CDH12: variants seen among roughly 807,000 people sequenced by gnomAD.
CDH12 encodes the protein cadherin 12.
CDH12 carries 41 observed loss-of-function variants against 74.1 expected under a neutral mutation model. The observed-to-expected ratio is 0.55, with a 90% CI of 0.43 to 0.72. The LOEUF (loss-of-function observed/expected upper bound fraction) is 0.72. Ranked by LOEUF, CDH12 falls within the 30% of genes least tolerant of loss-of-function variation. The probability of loss-of-function intolerance (pLI) is 0.00; values close to 1 mark genes in which losing one functional copy is unlikely to be tolerated. For missense variants in CDH12, 945 were observed against 977.2 expected (o/e 0.97, Z 0.44); for synonymous variants, 399 against 355.0 (o/e 1.12, Z -1.39).
At chr5:22,359,044 ACAT>A (rs1446603276) in intron 3 of CDH12, among the ~76,000 whole-genome samples, 2 of 152,194 alleles carry the variant, frequency 1.3e-5, no homozygotes, top group Non-Finnish European at 2.9e-5. Flanking sequence ...TAACCAGCTA[ACAT>A]CATAATGACA....
At chr5:22,284,243 G>A (rs1454902633) in intron 3 of CDH12, among the ~76,000 whole-genome samples, 1 of 152,076 alleles carries the variant, frequency 6.6e-6, no homozygotes, top group Admixed American at 6.6e-5. Context: ...AAAACCTTAT[G>A]TATTTATTAA....
chr5:22,313,577 T>G (rs1738479206), intron 3 of CDH12, among the ~76,000 whole-genome samples: 1 of 152,190 alleles, frequency 6.6e-6, no homozygotes, highest in South Asian at 2.1e-4. Context: ...TATATAAATT[T>G]TATTTTAAAA....
In CDH12 at chr5:21,880,559, CTT is replaced by C. The variant is rs1561267975; in HGVS notation, c.527-25771_527-25770del. On this transcript the variant is annotated intron_variant, in intron 6 of 14. Coordinates refer to ENST00000382254, the MANE Select transcript of CDH12 (RefSeq NM_004061.5). ...TTTTCCTTCCTTCCTTCCTTCCTTC[CTT>C]CCCTTCTTTCTTTCCTTCCTTCCTT... 1.6e-3 allele frequency among the ~76,000 whole-genome samples: 194 copies of C among 119,648 alleles called. 8 individuals are homozygous for C. Among genetic ancestry groups the C allele is most frequent in the African/African-American group, 5.7e-3 (181 of 31,698 alleles). 78.5% of individuals were successfully genotyped at this position (119,648 alleles called of 152,430 possible).
At chr5:21,876,209 A>C (rs1369950307) in intron 6 of CDH12, among the ~76,000 whole-genome samples, 1 of 151,894 alleles carries the variant, frequency 6.6e-6, no homozygotes, top group Non-Finnish European at 1.5e-5. Context: ...TTTGCATTTT[A>C]ATGGTTGAGA....
At chr5:22,783,898 C>G (rs1747502755) in intron 1 of CDH12, among the ~76,000 whole-genome samples, 1 of 152,042 alleles carries the variant, frequency 6.6e-6, no homozygotes, top group African/African-American at 2.4e-5. Flanking sequence ...CGATTCTCCT[C>G]CCTGCTTTTT....
intron 1 of CDH12, among the ~76,000 whole-genome samples, chr5:22,649,447 T>C (rs1739614623): frequency 6.6e-6 from 1 of 151,936 alleles, no homozygotes; most frequent in African/African-American, 2.4e-5. Flanking sequence ...GAGACTCATA[T>C]TTTTCACATA....
chr5:21,757,290 C>T (rs1223618842), intron 13 of CDH12, among the ~76,000 whole-genome samples: 1 of 152,102 alleles, frequency 6.6e-6, no homozygotes, highest in South Asian at 2.1e-4. Context: ...ATTCTCCTGC[C>T]TCACCCTCCT....
chr5:22,084,023 CCCA>C (rs1742910063), intron 4 of CDH12, among the ~76,000 whole-genome samples: 1 of 152,082 alleles, frequency 6.6e-6, no homozygotes, highest in African/African-American at 2.4e-5. Flanking sequence ...CAGCTTTCCA[CCCA>C]CAAAGATCTG....
chr5:21,761,310 T>A (rs1051975571), intron 12 of CDH12, among the ~76,000 whole-genome samples: 83 of 152,118 alleles, frequency 5.5e-4, no homozygotes, highest in African/African-American at 1.9e-3. Flanking sequence ...GGTACTTCAA[T>A]AAAATGCCCT....
At chr5:22,436,231 C>G (rs1366997218) in intron 2 of CDH12, among the ~76,000 whole-genome samples, 3 of 129,304 alleles carry the variant, frequency 2.3e-5, no homozygotes, top group Non-Finnish European at 4.7e-5. Context: ...AGAACACTTG[C>G]ACACAGGAAG....
intron 1 of CDH12, among the ~76,000 whole-genome samples, chr5:22,581,271 C>T (rs1000218469): frequency 6.6e-6 from 1 of 152,212 alleles, no homozygotes; most frequent in Admixed American, 6.5e-5. Flanking sequence ...GTGCAGCCTA[C>T]AGACTAAATG....
At chr5:22,406,768 G>A (rs1179257534) in intron 2 of CDH12, among the ~76,000 whole-genome samples, 3 of 151,986 alleles carry the variant, frequency 2.0e-5, no homozygotes, top group African/African-American at 7.2e-5. Flanking sequence ...GGATTTTTCA[G>A]ATTGTTCAAA....
chr5:21,807,419 G>A (rs1003229399), intron 9 of CDH12, among the ~76,000 whole-genome samples: 1 of 152,098 alleles, frequency 6.6e-6, no homozygotes, highest in Non-Finnish European at 1.5e-5. Flanking sequence ...CAGAGAATTG[G>A]TTTTGTCTGT....
At chr5:22,705,831 AATG>A (rs538740806) in intron 1 of CDH12, among the ~76,000 whole-genome samples, 59 of 152,166 alleles carry the variant, frequency 3.9e-4, no homozygotes, top group South Asian at 3.7e-3. Flanking sequence ...TAAGACTAAA[AATG>A]ATGATGATTT....
intron 1 of CDH12, among the ~76,000 whole-genome samples, chr5:22,507,912 G>A (rs949910925): frequency 2.0e-5 from 3 of 152,148 alleles, no homozygotes; most frequent in Admixed American, 6.5e-5. Flanking sequence ...GACTGCCATC[G>A]TGCCTTGCCT....
At chr5:22,752,850 A>C (rs930662081) in intron 1 of CDH12, among the ~76,000 whole-genome samples, 1 of 151,888 alleles carries the variant, frequency 6.6e-6, no homozygotes, top group Non-Finnish European at 1.5e-5. Context: ...CTGGGATTAC[A>C]GGCGTGAGCC....
At chr5:22,220,327 C>T (rs1393443138) in intron 3 of CDH12, among the ~76,000 whole-genome samples, 3 of 151,668 alleles carry the variant, frequency 2.0e-5, no homozygotes, top group African/African-American at 7.2e-5. Flanking sequence ...ATACTGAAAA[C>T]ACTAATGCAT....
chr5:22,553,337 T>C (rs1738657033), intron 1 of CDH12, among the ~76,000 whole-genome samples: 1 of 152,176 alleles, frequency 6.6e-6, no homozygotes, highest in Non-Finnish European at 1.5e-5. Context: ...TAATTTTCTT[T>C]CTTTTTTGGT....
In CDH12 at chr5:22,356,438, A is replaced by C. The variant is rs1580558568; in HGVS notation, c.-333+48819T>G. The stretch of plus-strand genomic sequence containing the variant: ...AGTATGTAGCATAAATAAAAGCTGC[A>C]TTCACACAGTCCTTGGGATTTAAAT... On this transcript the variant is annotated intron_variant, in intron 3 of 14. Transcript: ENST00000382254. 2.0e-5 allele frequency among the ~76,000 whole-genome samples: 3 copies of C among 152,278 alleles called. No homozygotes were observed. In the South Asian group the frequency reaches 6.2e-4, roughly 32 times the overall value.
Sources: gnomAD v4.1 joint callset for allele counts (sites outside exome capture counted in the v4.1 genomes callset) on GRCh38, gnomAD v4.1.1 for gene constraint, MANE v1.5 for transcripts, NCBI Gene and HGNC (gene_info 2026-07-23, HGNC 2026-07-21) for gene names.